The following CSMD1 variants were observed in gnomAD, a reference collection of about 807,000 sequenced individuals.
The protein encoded by CSMD1 is CUB and Sushi multiple domains 1.
CSMD1 carries 213 observed loss-of-function variants against 417.5 expected under a neutral mutation model. The ratio of observed to expected loss-of-function variants is 0.51; its 90% CI spans 0.46 to 0.57. CSMD1 has a LOEUF of 0.57. Among genes scored for constraint, CSMD1 ranks in the 20% least tolerant of loss-of-function variants. CSMD1 has a pLI of 0.00. For synonymous variants in CSMD1, 2,862 were observed against 1,736.8 expected, an observed-to-expected ratio of 1.65 and a Z score of -16.11; for missense variants, 6,923 against 4,529.7, an observed-to-expected ratio of 1.53 and a Z score of -15.17.
At chr8:4,951,004 A>C (rs1210655837) in intron 1 of CSMD1, among the ~76,000 whole-genome samples, 2 of 152,106 alleles carry the variant, frequency 1.3e-5, no homozygotes, top group African/African-American at 4.8e-5. Flanking sequence ...AAACAAAAAA[A>C]ATTAATAGAG....
chr8:4,637,869 A>G (rs1310787435), intron 1 of CSMD1, among the ~76,000 whole-genome samples: 1 of 151,370 alleles, frequency 6.6e-6, no homozygotes, highest in Admixed American at 6.6e-5. Context: ...ACGGGGTTTC[A>G]CCTTGTTAGC....
At chr8:3,345,442 G>C (rs1229781926) in intron 22 of CSMD1, among the ~76,000 whole-genome samples, 1 of 151,980 alleles carries the variant, frequency 6.6e-6, no homozygotes, top group Non-Finnish European at 1.5e-5. Context: ...ACACTCCCCT[G>C]TCAGTTCTCT....
At position 4,172,090 on chromosome 8, in the gene CSMD1, C is replaced by T. The variant is rs546133920; in HGVS notation, c.416-139991G>A. Among the ~76,000 whole-genome samples, 11 of 152,182 alleles carry T rather than the reference C, an allele frequency of 7.2e-5. No individual in the cohort carries two copies. The South Asian group carries it at 1.5e-3, about 20-fold the overall frequency. On this transcript the variant is annotated intron_variant, in intron 3 of 69. Coordinates refer to ENST00000635120, the MANE Select transcript of CSMD1 (RefSeq NM_033225.6). Reference sequence around the variant, plus strand: ...CTCTTTCTCAGGGGAAGGCGTATCACGGAGAGTTTATCATGCGGATCATTT... The same window carrying T: ...CTCTTTCTCAGGGGAAGGCGTATCATGGAGAGTTTATCATGCGGATCATTT...
chr8:4,025,875 C>G (rs1010336101), intron 4 of CSMD1, among the ~76,000 whole-genome samples: 2 of 151,982 alleles, frequency 1.3e-5, no homozygotes, highest in Non-Finnish European at 2.9e-5. Flanking sequence ...TAAAGAACAT[C>G]ACGGCTACAT....
At chr8:3,706,550 T>C (rs551147824) in intron 7 of CSMD1, among the ~76,000 whole-genome samples, 2 of 152,328 alleles carry the variant, frequency 1.3e-5, no homozygotes, top group South Asian at 2.1e-4. Flanking sequence ...TGAGTCATTA[T>C]GCATATGTCA....
At chr8:3,310,370 A>C (rs570291786) in intron 23 of CSMD1, among the ~76,000 whole-genome samples, 1 of 152,218 alleles carries the variant, frequency 6.6e-6, no homozygotes, top group Non-Finnish European at 1.5e-5. Context: ...AAGTGACAGC[A>C]TCTGAACAAG....
chr8:3,780,621 G>T (rs953429145), intron 5 of CSMD1, among the ~76,000 whole-genome samples: 2 of 152,156 alleles, frequency 1.3e-5, no homozygotes, highest in Admixed American at 1.3e-4. Flanking sequence ...TCATCAAACT[G>T]GGCCTGCTCC....
intron 50 of CSMD1, among the ~76,000 whole-genome samples, chr8:3,038,023 G>T (rs1287072497): frequency 1.3e-5 from 2 of 152,060 alleles, no homozygotes; most frequent in Non-Finnish European, 2.9e-5. Context: ...ATATTTCTCT[G>T]GCCCGGCTTT....
chr8:3,634,474 G>A (rs28527448), intron 7 of CSMD1, among the ~76,000 whole-genome samples: 3,766 of 152,260 alleles, frequency 0.025, 164 homozygotes, highest in African/African-American at 0.084. Flanking sequence ...CAACTCTACT[G>A]GGAGTGGACA....
rs1236853067 is a variant in CSMD1, at chr8:3,308,473, C to T, written c.3662G>A (p.Gly1221Asp). The change falls in exon 24 of 70, where the codon GGC (glycine) becomes GAC (aspartate). Residue 1221 changes from glycine (G) to aspartate (D), a missense_variant. By Grantham distance (94) the Gly-to-Asp change is moderately conservative. Transcript: ENST00000635120. ...GATCCTATAGCCGTAGTTAGGGATG[C>T]CCGGATCCTCACATTTTACCAGATC... ...SFDLVKCEDPGIPNYGYRIRD... is the reference protein window; with the variant it reads ...SFDLVKCEDPDIPNYGYRIRD... 3.2e-5 allele frequency: 51 copies of T among 1,612,914 alleles called. No homozygotes were observed. The highest frequency in any genetic ancestry group is 4.2e-5 in the Non-Finnish European group (49 of 1,179,358).
At chr8:3,032,619 G>A (rs1022618566) in intron 50 of CSMD1, among the ~76,000 whole-genome samples, 4 of 151,954 alleles carry the variant, frequency 2.6e-5, no homozygotes, top group African/African-American at 9.7e-5. Flanking sequence ...CCAGTCTACT[G>A]ATTCACATGC....
At chr8:4,829,152 C>G (rs1175942976) in intron 1 of CSMD1, among the ~76,000 whole-genome samples, 1 of 152,128 alleles carries the variant, frequency 6.6e-6, no homozygotes, top group Non-Finnish European at 1.5e-5. Flanking sequence ...TTGATCCTGC[C>G]TGTTGCAATT....
At chr8:3,807,310 A>C (rs1002756493) in intron 5 of CSMD1, among the ~76,000 whole-genome samples, 1 of 152,218 alleles carries the variant, frequency 6.6e-6, no homozygotes, top group Non-Finnish European at 1.5e-5. Flanking sequence ...AATAAAATAC[A>C]GTATCTGGTT....
intron 2 of CSMD1, among the ~76,000 whole-genome samples, chr8:4,439,293 G>C (rs763737665): frequency 6.6e-6 from 1 of 152,010 alleles, no homozygotes; most frequent in Non-Finnish European, 1.5e-5. Flanking sequence ...ACCTTTCACT[G>C]CTGCCAAAAT....
At chr8:4,393,273 G>A (rs1803979348) in intron 3 of CSMD1, among the ~76,000 whole-genome samples, 1 of 152,128 alleles carries the variant, frequency 6.6e-6, no homozygotes, top group South Asian at 2.1e-4. Flanking sequence ...ACCCCACCTG[G>A]CCTACAAAGC....
chr8:4,280,446 A>G (rs148949453), intron 3 of CSMD1, among the ~76,000 whole-genome samples: 309 of 152,340 alleles, frequency 2.0e-3, no homozygotes, highest in African/African-American at 6.9e-3. Flanking sequence ...CCGGATACCA[A>G]TCTGAGCACT....
In CSMD1 at chr8:4,962,402, G is replaced by A. The variant is rs150686462; in HGVS notation, c.85+31930C>T. Among the ~76,000 whole-genome samples the A allele has an allele frequency of 1.0e-3, 155 of 151,946 alleles. 3 individuals carry two copies. In the East Asian group the frequency reaches 0.013, roughly 13 times the overall value. On this transcript the variant is annotated intron_variant, in intron 1 of 69. Coordinates refer to ENST00000635120, the MANE Select transcript of CSMD1 (RefSeq NM_033225.6). ...ATTTTATAATTTTGTGTAGAGACAG[G>A]GTCTTTCTATGTCGCCAAAGCTGGC...
intron 3 of CSMD1, among the ~76,000 whole-genome samples, chr8:4,257,270 C>G (rs577158095): frequency 6.6e-6 from 1 of 152,244 alleles, no homozygotes; most frequent in East Asian, 1.9e-4. Flanking sequence ...ACCAGTCTTT[C>G]TGTACCCTTT....
At chr8:3,987,619 T>G (rs1404668196) in intron 5 of CSMD1, among the ~76,000 whole-genome samples, 1 of 152,160 alleles carries the variant, frequency 6.6e-6, no homozygotes, top group Non-Finnish European at 1.5e-5. Flanking sequence ...TTCTGAGAAC[T>G]GTGAAGGATG....
Sources: allele counts gnomAD v4.1 joint callset (sites outside exome capture counted in the v4.1 genomes callset), GRCh38; gene constraint gnomAD v4.1.1; transcripts MANE v1.5; gene names NCBI Gene and HGNC (gene_info 2026-07-23, HGNC 2026-07-21).